RBFOX1: variants seen among roughly 807,000 people sequenced by gnomAD.
RBFOX1 encodes the protein RNA binding protein fox-1 homolog 1.
RBFOX1 carries 8 observed loss-of-function variants against 57.7 expected under a neutral mutation model. That is an observed-to-expected ratio of 0.14 (90% CI 0.08 to 0.25). The LOEUF is 0.25. RBFOX1 is among the 10% of genes least tolerant of loss of function. RBFOX1 has a pLI of 1.00. For missense variants in RBFOX1, 611 were observed against 548.5 expected, an observed-to-expected ratio of 1.11 and a Z score of -1.14; for synonymous variants, 326 against 222.4, an observed-to-expected ratio of 1.47 and a Z score of -4.15.
At chr16:6,193,621 C>T (rs1312348404) in intron 1 of RBFOX1, among the ~76,000 whole-genome samples, 2 of 151,598 alleles carry the variant, frequency 1.3e-5, no homozygotes, top group Admixed American at 6.6e-5. Flanking sequence ...ACAGGCAAAG[C>T]ATTCAGTGAC....
At chr16:5,338,044 T>G (rs965268007) in intron 1 of RBFOX1, among the ~76,000 whole-genome samples, 1 of 152,118 alleles carries the variant, frequency 6.6e-6, no homozygotes, top group African/African-American at 2.4e-5. Context: ...TCCTTGTCTC[T>G]AAAAAGAAAA....
At chr16:6,925,889 T>C (rs963232160) in intron 3 of RBFOX1, among the ~76,000 whole-genome samples, 1 of 152,154 alleles carries the variant, frequency 6.6e-6, no homozygotes, top group Non-Finnish European at 1.5e-5. Flanking sequence ...CTCTATGTAA[T>C]TTTGTTTTAT....
At chr16:5,525,175 C>T (rs8055696) in intron 2 of RBFOX1, among the ~76,000 whole-genome samples, 2,384 of 152,126 alleles carry the variant, frequency 0.016, 65 homozygotes, top group African/African-American at 0.053. Flanking sequence ...AGTGGCTTGT[C>T]AGGGACAGCT....
At chr16:6,965,645 C>T (rs550145405) in intron 3 of RBFOX1, among the ~76,000 whole-genome samples, 12 of 152,168 alleles carry the variant, frequency 7.9e-5, no homozygotes, top group Non-Finnish European at 1.3e-4. Context: ...CTGACAAATC[C>T]AGTTTTCACT....
In RBFOX1 at chr16:6,966,893, CTCCATCCA is replaced by C. The variant is rs35524908; in HGVS notation, c.-15-85126_-15-85119del. On this transcript the variant is annotated intron_variant, in intron 3 of 15. Transcript: ENST00000550418. ...TATCCATGTATCCATCTATTCATCT[CTCCATCCA>C]TCCATCCATCCATCCATCCATCCAT... Among the ~76,000 whole-genome samples the C allele has an allele frequency of 5.5e-3, 823 of 149,554 alleles. 4 individuals carry two copies. The highest frequency in any genetic ancestry group is 0.01 in the Middle Eastern group (3 of 292).
intron 3 of RBFOX1, among the ~76,000 whole-genome samples, chr16:6,952,171 T>C (rs1368031807): frequency 1.3e-5 from 2 of 152,188 alleles, no homozygotes; most frequent in Admixed American, 1.3e-4. Context: ...AGGCTCTATG[T>C]GGCACTCTGA....
intron 3 of RBFOX1, among the ~76,000 whole-genome samples, chr16:6,672,687 G>T (rs1266957432): frequency 6.6e-6 from 1 of 152,074 alleles, no homozygotes; most frequent in Non-Finnish European, 1.5e-5. Flanking sequence ...CCATGATTCC[G>T]CTTCTGCTTT....
intron 4 of RBFOX1, among the ~76,000 whole-genome samples, chr16:6,012,294 G>C (rs138817437): frequency 1.3e-5 from 2 of 152,330 alleles, no homozygotes; most frequent in East Asian, 3.9e-4. Context: ...CTAGTGCCTA[G>C]TGCATAGTAA....
chr16:7,295,149 T>C (rs1209491719), intron 4 of RBFOX1, among the ~76,000 whole-genome samples: 1 of 152,228 alleles, frequency 6.6e-6, no homozygotes, highest in East Asian at 1.9e-4. Flanking sequence ...CAAGGGTTAA[T>C]GTGTAAGCTG....
At chr16:5,393,292 A>G (rs1236861363) in intron 1 of RBFOX1, among the ~76,000 whole-genome samples, 1 of 152,096 alleles carries the variant, frequency 6.6e-6, no homozygotes, top group Non-Finnish European at 1.5e-5. Context: ...CATCACATGG[A>G]TGATTGGGGG....
chr16:6,331,042 G>A (rs1308962687), intron 2 of RBFOX1, among the ~76,000 whole-genome samples: 5 of 152,318 alleles, frequency 3.3e-5, no homozygotes, highest in African/African-American at 1.2e-4. Context: ...GCTCTTAAGG[G>A]ATCTGAAAAA....
At chr16:7,455,046 A>T (rs893602243) in intron 4 of RBFOX1, among the ~76,000 whole-genome samples, 11 of 152,164 alleles carry the variant, frequency 7.2e-5, no homozygotes, top group Non-Finnish European at 1.5e-4. Flanking sequence ...GGCACTACCT[A>T]TGTGTCAGGT....
intron 4 of RBFOX1, among the ~76,000 whole-genome samples, chr16:5,876,202 A>G (rs2057605583): frequency 6.6e-6 from 1 of 152,008 alleles, no homozygotes; most frequent in South Asian, 2.1e-4. Flanking sequence ...AAATGGGGGG[A>G]AAAACAGCTA....
intron 11 of RBFOX1, among the ~76,000 whole-genome samples, chr16:7,639,766 A>T (rs552374917): frequency 6.6e-6 from 1 of 152,268 alleles, no homozygotes; most frequent in African/African-American, 2.4e-5. Context: ...CACTGTAGAC[A>T]GGTGCCCTTT....
At chr16:7,227,544 T>G (rs2093218392) in intron 4 of RBFOX1, among the ~76,000 whole-genome samples, 1 of 152,188 alleles carries the variant, frequency 6.6e-6, no homozygotes, top group Non-Finnish European at 1.5e-5. Context: ...GTGGTTTCCC[T>G]GGGGGCAGCT....
At chr16:7,284,157 C>T (rs1170657288) in intron 4 of RBFOX1, among the ~76,000 whole-genome samples, 1 of 152,308 alleles carries the variant, frequency 6.6e-6, no homozygotes, top group East Asian at 1.9e-4. Context: ...GGTACAGATG[C>T]ACTATAGTTT....
At chr16:7,327,223 G>A (rs1420909375) in intron 4 of RBFOX1, among the ~76,000 whole-genome samples, 1 of 152,162 alleles carries the variant, frequency 6.6e-6, no homozygotes, top group African/African-American at 2.4e-5. Flanking sequence ...AGGAAGGAAG[G>A]GTATTTCTGC....
At chr16:7,254,497 T>TG (rs1487301964) in intron 4 of RBFOX1, among the ~76,000 whole-genome samples, 4 of 92,868 alleles carry the variant, frequency 4.3e-5, no homozygotes, top group Non-Finnish European at 7.2e-5. Flanking sequence ...TCTCTCTCTC[T>TG]CTTTTTTTTT....
chr16:7,647,180 C>T (rs538752589), intron 11 of RBFOX1, among the ~76,000 whole-genome samples: 1 of 152,274 alleles, frequency 6.6e-6, no homozygotes, highest in African/African-American at 2.4e-5. Context: ...CTAACCTCCC[C>T]CAGAATATGC....
Sources: allele counts gnomAD v4.1 joint callset (sites outside exome capture counted in the v4.1 genomes callset), GRCh38; gene constraint gnomAD v4.1.1; transcripts MANE v1.5; gene names NCBI Gene and HGNC (gene_info 2026-07-23, HGNC 2026-07-21).